The following NBPF19 variants were observed in gnomAD, a reference collection of about 807,000 sequenced individuals.
NBPF19 encodes NBPF family member NBPF19.
In NBPF19, 30 loss-of-function variants were observed where a neutral mutation model predicts 45.9. That is an observed-to-expected ratio of 0.65 (90% confidence interval 0.49 to 0.89). The LOEUF is 0.89. NBPF19 is among the 40% of genes least tolerant of loss of function. NBPF19 has a pLI of 0.00. For missense variants in NBPF19, 495 were observed against 471.8 expected (o/e 1.05, Z -0.46); for synonymous variants, 183 against 181.2 (o/e 1.01, Z -0.08).
Position 149,554,958 on chromosome 1 carries a change from A to G in NBPF19, c.*220A>G. On this transcript the variant is annotated 3_prime_UTR_variant, in exon 94 of 94. Transcript: ENST00000651566. ...TGACACGTTCACATAACTGTGCAGCACATGCCGGGAGTGATCAGTCGGACA... is the reference window on the plus strand; with the variant it reads ...TGACACGTTCACATAACTGTGCAGCGCATGCCGGGAGTGATCAGTCGGACA... The G allele has an allele frequency of 1.3e-6, 1 of 789,508 alleles. No individual in the cohort carries two copies. Among genetic ancestry groups the G allele is most frequent in the South Asian group, 1.8e-5 (1 of 56,930 alleles). 48.9% of individuals were successfully genotyped at this position (789,508 alleles called of 1,614,324 possible).
chr1:149,554,684 G>C lies in NBPF19; in HGVS notation c.11478G>C (p.Leu3826Phe). The C allele has an allele frequency of 6.2e-7, 1 of 1,608,222 alleles. No homozygotes were observed. Among genetic ancestry groups the C allele is most frequent in the South Asian group, 1.1e-5 (1 of 90,886 alleles). Residue 3826 changes from leucine to phenylalanine, a missense_variant, in exon 94 of 94, where the codon TTG (leucine) becomes TTC (phenylalanine). Around this residue, in one of 8 missense-constraint regions of NBPF19, gnomAD observed 248 missense variants for 95.4 expected, o/e 2.60. Coordinates refer to ENST00000651566, the MANE Select transcript of NBPF19 (RefSeq NM_001351365.2). ...ACTTGGACAATAGGTTTTTTACTTT[G>C]ACGGTGACAAGTCTCCATCTGGTGT... ...ALYLDNRFFT[L>F]TVTSLHLVFQ...
In NBPF19 at chr1:149,554,554, G is replaced by A. The variant is rs1181500315; in HGVS notation, c.11348G>A (p.Gly3783Glu). The A allele has an allele frequency of 7.5e-6, 12 of 1,607,990 alleles. 1 individual carries two copies. Among genetic ancestry groups the A allele is most frequent in the Non-Finnish European group, 9.3e-6 (11 of 1,176,708 alleles). ...EPEVLQDSLDGCYSTPSMYFE... is the reference protein window; with the variant it reads ...EPEVLQDSLDECYSTPSMYFE... ...GAAGTCTTACAGGACTCACTGGATG[G>A]ATGTTATTCGACTCCGTCAATGTAC... The change falls in exon 94 of 94, where the codon GGA (glycine) becomes GAA (glutamate). Residue 3783 changes from glycine to glutamate, a missense_variant. Physicochemically the swap from Gly to Glu is moderately conservative, Grantham distance 98. This residue lies in a region of NBPF19 where 248 missense variants were observed against 95.4 expected (regional missense o/e 2.60). Transcript: ENST00000651566.
At chr1:149,528,964 T>TGC (rs2086918817) in intron 61 of NBPF19, among the ~76,000 whole-genome samples, 1 of 133,460 alleles carries the variant, frequency 7.5e-6, no homozygotes, top group Non-Finnish European at 1.6e-5. Flanking sequence ...TGTGTGTGTG[T>TGC]GTGTGTGTGT....
At position 149,488,025 on chromosome 1, in the gene NBPF19, G is replaced by A. The variant is rs2085722125; in HGVS notation, c.1053G>A (p.Glu351=). The part of the protein sequence containing the change: ...QEATGPRLSR[E]LLDEKGPEVL... ...CCCACTTTTCCAGGCTCAGCAGGGA[G>A]CTGCTGGATGAGAAAGGGCCTGAAG... Residue 351 remains glutamate, a synonymous_variant, in exon 10 of 94, where the codon GAG becomes GAA. Transcript: ENST00000651566. 7.3e-6 allele frequency: 5 copies of A among 687,250 alleles called. No individual in the cohort carries two copies. Among genetic ancestry groups the A allele is most frequent in the Admixed American group, 6.4e-5 (3 of 46,748 alleles). 42.6% of individuals were successfully genotyped at this position (687,250 alleles called of 1,614,324 possible).
rs1416790902 is a variant in NBPF19, at chr1:149,478,330, G to A, written c.278+283G>A. ...CCAAAGGAGTGGGAACCACCCAGCAGCATTCAGTATAATCAAAATGGTGTG... is the reference window on the plus strand; with the variant it reads ...CCAAAGGAGTGGGAACCACCCAGCAACATTCAGTATAATCAAAATGGTGTG... On this transcript the variant is annotated intron_variant, in intron 3 of 93. Transcript: ENST00000651566. Among the ~76,000 whole-genome samples, 14 of 151,276 alleles carry A rather than the reference G, an allele frequency of 9.3e-5. 1 individual carries two copies. Among genetic ancestry groups the A allele is most frequent in the Non-Finnish European group, 1.8e-4 (12 of 67,652 alleles).
intron 69 of NBPF19, among the ~76,000 whole-genome samples, chr1:149,535,315 C>CT (rs1304777751): frequency 7.1e-6 from 1 of 140,578 alleles, no homozygotes; most frequent in Non-Finnish European, 1.6e-5. Flanking sequence ...CTCTCTGTCT[C>CT]TGTCTCTGTC....
At chr1:149,538,420 G>A (rs1553334543) in intron 73 of NBPF19, among the ~76,000 whole-genome samples, 1,274 of 16,856 alleles carry the variant, frequency 0.076, 20 homozygotes, top group Middle Eastern at 0.12. Context: ...CACTGAGCTC[G>A]TTCTCTCTCT....
At chr1:149,488,783 C>G in intron 10 of NBPF19, 122 bp from the exon 11 acceptor site, 1 of 71,898 alleles carries the variant, frequency 1.4e-5, no homozygotes, top group South Asian at 9.4e-5. Context: ...AAGAATATCT[C>G]TCACAGTGTC....
intron 51 of NBPF19, among the ~76,000 whole-genome samples, chr1:149,521,047 G>A (rs2086702854): frequency 1.5e-5 from 1 of 64,856 alleles, no homozygotes; most frequent in South Asian, 4.2e-4. Context: ...ATGTCACCTG[G>A]CCAATTCACT....
Position 149,554,835 on chromosome 1 carries a change from A to G in NBPF19, c.*97A>G, listed in dbSNP as rs1429965630. ...ACTACAGTTCCATTTGGAAGCCCAG[A>G]CATAGGATGGGTCAGTGGGCATGGC... is the stretch of plus-strand genomic sequence containing the variant. On this transcript the variant is annotated 3_prime_UTR_variant, in exon 94 of 94. Transcript: ENST00000651566. 28 of 1,584,178 alleles carry G rather than the reference A, an allele frequency of 1.8e-5. 1 individual carries two copies. The highest frequency in any genetic ancestry group is 2.7e-5 in the African/African-American group (2 of 74,140).
chr1:149,483,517 T>C (rs1230853742), intron 7 of NBPF19, among the ~76,000 whole-genome samples: 3 of 142,780 alleles, frequency 2.1e-5, no homozygotes, highest in African/African-American at 7.8e-5. Flanking sequence ...ACTGGGGCAT[T>C]TAGCCCATTT....
Position 149,556,336 on chromosome 1 carries a change from G to T in NBPF19, c.*1598G>T, listed in dbSNP as rs2087248395. ...GATTGGTTTTGGTGGGTACTGATGTGAATTAATAAAAACATTTCATTTCCA... is the reference window on the plus strand; with the variant it reads ...GATTGGTTTTGGTGGGTACTGATGTTAATTAATAAAAACATTTCATTTCCA... On this transcript the variant is annotated 3_prime_UTR_variant, in exon 94 of 94. Transcript: ENST00000651566. 6.7e-6 allele frequency: 1 copy of T among 149,998 alleles called. No homozygotes were observed. Among genetic ancestry groups the T allele is most frequent in the Non-Finnish European group, 1.5e-5 (1 of 67,172 alleles). 9.3% of individuals were successfully genotyped at this position (149,998 alleles called of 1,614,324 possible). A position where few individuals can be genotyped will look rare whatever the true frequency, so the allele number is the denominator to read the frequency against.
At chr1:149,538,421 TTCTCTC>T (rs1189265337) in intron 73 of NBPF19, among the ~76,000 whole-genome samples, 10 of 20,300 alleles carry the variant, frequency 4.9e-4, no homozygotes, top group South Asian at 1.6e-3. Flanking sequence ...ACTGAGCTCG[TTCTCTC>T]TCTCTCTCTG....
In NBPF19 at chr1:149,475,298, GCC is replaced by G. The variant is rs2084765335; in HGVS notation, c.-532_-531del. Among the ~76,000 whole-genome samples, 3 of 150,154 alleles carry G rather than the reference GCC, an allele frequency of 2.0e-5. No homozygotes were observed. The highest frequency in any genetic ancestry group is 4.5e-5 in the Non-Finnish European group (3 of 67,294). ...TTTGATATCTTACACCTGTGGAAAA[GCC>G]TTAAGCTCTGTTTTAACTGAGAGCA... On this transcript the variant is annotated 5_prime_UTR_variant, in exon 1 of 94. Coordinates refer to ENST00000651566, the MANE Select transcript of NBPF19 (RefSeq NM_001351365.2).
chr1:149,556,262 G>T lies in NBPF19; in HGVS notation c.*1524G>T, dbSNP rs1387573819. The T allele has an allele frequency of 6.8e-6, 1 of 146,954 alleles. No individual in the cohort carries two copies. The highest frequency in any genetic ancestry group is 1.5e-5 in the Non-Finnish European group (1 of 66,266). 9.1% of individuals were successfully genotyped at this position (146,954 alleles called of 1,614,324 possible). On this transcript the variant is annotated 3_prime_UTR_variant, in exon 94 of 94. Coordinates refer to ENST00000651566, the MANE Select transcript of NBPF19 (RefSeq NM_001351365.2). ...TTAAAACCTTTTGCCTATCACTCTG[G>T]ACTTTTGGATTGTTTTTTACATTCA...
intron 92 of NBPF19, 31 bp from the exon 93 acceptor site, chr1:149,553,743 A>G: frequency 2.8e-5 from 3 of 107,152 alleles, no homozygotes; most frequent in South Asian, 1.1e-4. Flanking sequence ...AATCAGCTTA[A>G]TGTGTCTGTC....
In NBPF19 at chr1:149,554,440, C is replaced by T. The variant is rs1211100342; in HGVS notation, c.11289-55C>T. The T allele has an allele frequency of 3.1e-6, 5 of 1,607,716 alleles. No individual in the cohort carries two copies. In the African/African-American group the frequency reaches 4.0e-5, roughly 13 times the overall value. On this transcript the variant is annotated intron_variant, in intron 93 of 93. Coordinates refer to ENST00000651566, the MANE Select transcript of NBPF19 (RefSeq NM_001351365.2). ...ATGTGACTTCTGAAATCTAGTGGGG[C>T]TCTGTGGTGTCTGATTTTCCCTGGC...
At chr1:149,554,257 A>C (rs1443257380) in intron 93 of NBPF19, among the ~76,000 whole-genome samples, 1 of 151,560 alleles carries the variant, frequency 6.6e-6, no homozygotes, top group East Asian at 1.9e-4. Flanking sequence ...CCAATTCACT[A>C]GGTCACTTTC....
chr1:149,554,086 C>A (rs1282452454), intron 93 of NBPF19, among the ~76,000 whole-genome samples: 14 of 132,716 alleles, frequency 1.1e-4, no homozygotes, highest in Non-Finnish European at 2.0e-4. Context: ...CATAGGTTGA[C>A]CATACTTCAA....
Sources: allele counts gnomAD v4.1 joint callset (sites outside exome capture counted in the v4.1 genomes callset), GRCh38; gene constraint gnomAD v4.1.1; regional missense constraint gnomAD v4.1.1; transcripts MANE v1.5; gene names NCBI Gene and HGNC (gene_info 2026-07-23, HGNC 2026-07-21).